The following EXOC5 variants were observed in gnomAD, a reference collection of about 807,000 sequenced individuals.
EXOC5 encodes exocyst complex component 5, also known as SEC10-like 1.
Under a neutral mutation model 90.8 loss-of-function variants are expected in EXOC5, and 17 were observed. That is an observed-to-expected ratio of 0.19 (90% CI 0.13 to 0.28). The LOEUF (loss-of-function observed/expected upper bound fraction) is 0.28, where lower values mean the gene tolerates loss of function less well. EXOC5 is among the 10% of genes least tolerant of loss of function. EXOC5 has a pLI of 1.00. For synonymous variants in EXOC5, 260 were observed against 270.0 expected (o/e 0.96, Z 0.36); for missense variants, 569 against 830.6 (o/e 0.69, Z 3.87).
At chr14:57,248,374 A>T (rs1884088448) in intron 1 of EXOC5, among the ~76,000 whole-genome samples, 2 of 152,070 alleles carry the variant, frequency 1.3e-5, no homozygotes, top group African/African-American at 4.8e-5. Flanking sequence ...TCACAAAGCC[A>T]TAGTTGACAA....
chr14:57,218,690 C>T (rs925336190), intron 14 of EXOC5, among the ~76,000 whole-genome samples: 1 of 152,020 alleles, frequency 6.6e-6, no homozygotes, highest in Non-Finnish European at 1.5e-5. Context: ...TGACTGTTAT[C>T]TTTGAGACTG....
intron 12 of EXOC5, among the ~76,000 whole-genome samples, chr14:57,227,207 A>T (rs59438341): frequency 0.01 from 1,572 of 152,272 alleles, 28 homozygotes; most frequent in African/African-American, 0.037. Context: ...CTCAACATGA[A>T]TCATCACTGC....
chr14:57,225,391 T>C (rs1720740959), intron 12 of EXOC5, among the ~76,000 whole-genome samples: 2 of 152,256 alleles, frequency 1.3e-5, no homozygotes, highest in South Asian at 2.1e-4. Context: ...TGGTGAACGA[T>C]TAAATAATTT....
intron 1 of EXOC5, among the ~76,000 whole-genome samples, chr14:57,254,607 T>C (rs1181363503): frequency 6.6e-6 from 1 of 151,696 alleles, no homozygotes; most frequent in African/African-American, 2.4e-5. Context: ...ATATGGACTA[T>C]ACAATGAAAG....
rs539815229 is a variant in EXOC5 at position 57,223,652 on chromosome 14, T to C, written c.1297-1236A>G. Among the ~76,000 whole-genome samples the C allele has an allele frequency of 2.0e-5, 3 of 152,204 alleles. No individual in the cohort carries two copies. The East Asian group carries it at 5.8e-4, about 29-fold the overall frequency. On this transcript the variant is annotated intron_variant, in intron 12 of 17. Transcript: ENST00000621441. ...TTTACATCCAAACATCCATGAATAA[T>C]AGACAGAAGAGGCAGATGGAAAATT... is the stretch of plus-strand genomic sequence containing the variant.
chr14:57,229,788 T>C lies in EXOC5; in HGVS notation c.1242A>G (p.Glu414=), dbSNP rs372939518. The change falls in exon 12 of 18, where the codon GAA becomes GAG. Residue 414 remains glutamate, a synonymous_variant. Coordinates refer to ENST00000621441, the MANE Select transcript of EXOC5 (RefSeq NM_006544.4). Reference sequence around the variant, plus strand: ...TTTCTTGTAAAAGATTAACCACCACTTCTTGGGATAGAAAAGTCTCCCCAT... The same window carrying C: ...TTTCTTGTAAAAGATTAACCACCACCTCTTGGGATAGAAAAGTCTCCCCAT... The part of the protein sequence containing the change: ...DTHGETFLSQ[E]VVVNLLQETK... The C allele has an allele frequency of 1.3e-6, 2 of 1,529,018 alleles. No homozygotes were observed. The highest frequency in any genetic ancestry group is 1.4e-5 in the African/African-American group (1 of 72,868). 94.7% of individuals were successfully genotyped at this position (1,529,018 alleles called of 1,614,324 possible).
chr14:57,247,415 C>A (rs763498349), intron 2 of EXOC5, among the ~76,000 whole-genome samples: 2 of 152,076 alleles, frequency 1.3e-5, no homozygotes, highest in African/African-American at 2.4e-5. Flanking sequence ...TTACTTCCTG[C>A]ATACCAGTTA....
At chr14:57,258,861 A>G (rs1447746630) in intron 1 of EXOC5, among the ~76,000 whole-genome samples, 1 of 152,130 alleles carries the variant, frequency 6.6e-6, no homozygotes, top group African/African-American at 2.4e-5. Context: ...ACCACCCAAA[A>G]ACTCAAAGAA....
At chr14:57,229,654 C>T in intron 12 of EXOC5, 80 bp downstream of exon 12, 6 of 1,061,240 alleles carry the variant, frequency 5.7e-6, no homozygotes, top group Non-Finnish European at 6.4e-6. Flanking sequence ...ATTTTGGTAT[C>T]CTCGGAGGTT....
At position 57,231,495 on chromosome 14, in the gene EXOC5, A is replaced by G; in HGVS notation, c.1148+11T>C. On this transcript the variant is annotated intron_variant, in intron 11 of 17. Transcript: ENST00000621441. Reference sequence around the variant, plus strand: ...TCAGTTTTAACAGAAGTATTTAACAAAAATACTCACCCTCCTGTGCCAATG... The same window carrying G: ...TCAGTTTTAACAGAAGTATTTAACAGAAATACTCACCCTCCTGTGCCAATG... 1.3e-6 allele frequency: 2 copies of G among 1,581,548 alleles called. No individual in the cohort carries two copies. The highest frequency in any genetic ancestry group is 1.7e-6 in the Non-Finnish European group (2 of 1,163,206).
At chr14:57,263,747 A>G (rs1283704474) in intron 1 of EXOC5, among the ~76,000 whole-genome samples, 2 of 147,162 alleles carry the variant, frequency 1.4e-5, no homozygotes, top group African/African-American at 5.3e-5. Context: ...CCTAAAAAAA[A>G]AAAAAAAAAA....
chr14:57,268,557 G>A, intron 1 of EXOC5, 65 bp downstream of exon 1: 1 of 1,549,580 alleles, frequency 6.5e-7, no homozygotes, highest in Non-Finnish European at 8.7e-7. Flanking sequence ...CCGCTCCTCG[G>A]CCCGCCCACC....
At chr14:57,243,394 T>A (rs1883931511) in intron 4 of EXOC5, 1 of 152,226 alleles carries the variant, frequency 6.6e-6, no homozygotes, top group Non-Finnish European at 1.5e-5. Flanking sequence ...CAATAATACT[T>A]AGCTTTTACA....
rs1232005684 is a variant in EXOC5 at position 57,206,265 on chromosome 14, T to C, written c.*2344A>G. On this transcript the variant is annotated 3_prime_UTR_variant, in exon 18 of 18. Coordinates refer to ENST00000621441, the MANE Select transcript of EXOC5 (RefSeq NM_006544.4). ...ACCATGTGCAAAACGAAAAACATTTTAGTTATTGATCATCTCTTCTGAGCC... is the reference window on the plus strand; with the variant it reads ...ACCATGTGCAAAACGAAAAACATTTCAGTTATTGATCATCTCTTCTGAGCC... 5 of 243,092 alleles carry C rather than the reference T, an allele frequency of 2.1e-5. No individual in the cohort carries two copies. The South Asian group carries it at 2.1e-4, about 10-fold the overall frequency. The allele number at this position is 243,092 out of a possible 1,614,324, so 15.1% of individuals were successfully genotyped here.
intron 12 of EXOC5, among the ~76,000 whole-genome samples, chr14:57,224,505 AC>A (rs1396759477): frequency 1.3e-5 from 2 of 152,188 alleles, no homozygotes; most frequent in Non-Finnish European, 2.9e-5. Flanking sequence ...AAACATACAA[AC>A]TACCAAAGTG....
In EXOC5 at chr14:57,268,749, T is replaced by C. The variant is rs1884785734; in HGVS notation, c.-101A>G. On this transcript the variant is annotated 5_prime_UTR_variant, in exon 1 of 18. Transcript: ENST00000621441. ...ACAGGTCTCCGCTCGGCTCGCCAGC[T>C]CCGGCTCCGGGCCGCTGCGGGCTCC... The C allele has an allele frequency of 1.4e-6, 2 of 1,479,122 alleles. No individual in the cohort carries two copies. The highest frequency in any genetic ancestry group is 1.4e-5 in the African/African-American group (1 of 69,568). The allele number at this position is 1,479,122 out of a possible 1,614,324, so 91.6% of individuals were successfully genotyped here. A position where few individuals can be genotyped will look rare whatever the true frequency, so the allele number is the denominator to read the frequency against.
intron 7 of EXOC5, 86 bp downstream of exon 7, chr14:57,235,625 T>A: frequency 1.5e-6 from 1 of 675,504 alleles, no homozygotes; most frequent in South Asian, 1.9e-5. Flanking sequence ...ACATAATGAA[T>A]GGGGGAAATC....
chr14:57,236,751 CCTACT>C (rs1241334023), intron 6 of EXOC5, among the ~76,000 whole-genome samples: 4 of 151,994 alleles, frequency 2.6e-5, no homozygotes, highest in African/African-American at 7.3e-5. Context: ...TATGCAGTGG[CCTACT>C]CTAAATAGTG....
At chr14:57,216,348 A>C (rs547645694) in intron 15 of EXOC5, among the ~76,000 whole-genome samples, 1 of 152,256 alleles carries the variant, frequency 6.6e-6, no homozygotes, top group East Asian at 1.9e-4. Flanking sequence ...AATTTTGAGA[A>C]AGAACAAAAC....
Sources: allele counts gnomAD v4.1 joint callset (sites outside exome capture counted in the v4.1 genomes callset), GRCh38; gene constraint gnomAD v4.1.1; transcripts MANE v1.5; gene names NCBI Gene and HGNC (gene_info 2026-07-23, HGNC 2026-07-21).